LRIG1: variants seen among roughly 807,000 people sequenced by gnomAD.
The protein encoded by LRIG1 is leucine-rich repeats and immunoglobulin-like domains protein 1.
LRIG1 carries 48 observed loss-of-function variants against 99.2 expected under a neutral mutation model. The observed-to-expected ratio is 0.48, with a 90% confidence interval of 0.38 to 0.62. The LOEUF (loss-of-function observed/expected upper bound fraction) is 0.62, where lower values mean the gene tolerates loss of function less well. Among genes scored for constraint, LRIG1 ranks in the 20% least tolerant of loss-of-function variants. The pLI, the probability that LRIG1 is intolerant of heterozygous loss-of-function variation, is 0.00. For synonymous variants in LRIG1, 772 were observed against 596.1 expected, an observed-to-expected ratio of 1.29 and a Z score of -4.30; for missense variants, 1,646 against 1,434.4, an observed-to-expected ratio of 1.15 and a Z score of -2.38.
intron 3 of LRIG1, among the ~76,000 whole-genome samples, chr3:66,422,283 C>T (rs1244294635): frequency 6.6e-6 from 1 of 152,236 alleles, no homozygotes; most frequent in Non-Finnish European, 1.5e-5. Flanking sequence ...TTTTCTATTG[C>T]ATTGTCAGGC....
intron 11 of LRIG1, among the ~76,000 whole-genome samples, chr3:66,397,590 G>A (rs924267259): frequency 6.6e-6 from 1 of 152,134 alleles, no homozygotes; most frequent in African/African-American, 2.4e-5. Flanking sequence ...CACAGTGGCA[G>A]CACCACCACC....
intron 1 of LRIG1, among the ~76,000 whole-genome samples, chr3:66,470,079 A>G (rs1011332257): frequency 2.0e-5 from 3 of 152,212 alleles, no homozygotes; most frequent in Non-Finnish European, 4.4e-5. Flanking sequence ...GTAGAAACCT[A>G]AAGTTTTCAC....
chr3:66,500,358 C>A lies in LRIG1; in HGVS notation c.50G>T (p.Cys17Phe). 2 of 1,491,940 alleles carry A rather than the reference C, an allele frequency of 1.3e-6. No individual in the cohort carries two copies. Among genetic ancestry groups the A allele is most frequent in the East Asian group, 5.4e-5 (2 of 37,022 alleles). 92.4% of individuals were successfully genotyped at this position (1,491,940 alleles called of 1,614,324 possible). ...GGLGAPRRSP[C>F]LLLLWLLLLR... ...CAAAAGCAGCCAGAGAAGGAGAAGG[C>A]AAGGCGAGCGGCGCGGGGCCCCGAG... Residue 17 changes from cysteine to phenylalanine, a missense_variant, in exon 1 of 19, where the codon TGC becomes TTC. Cys to Phe is a radical substitution (Grantham distance 205). Transcript: ENST00000273261.
intron 5 of LRIG1, among the ~76,000 whole-genome samples, chr3:66,414,135 T>C (rs1806762): frequency 0.12 from 18,125 of 152,134 alleles, 2,304 homozygotes; most frequent in East Asian, 0.73. Flanking sequence ...CGGTGGCTCA[T>C]GCCTGTAATC....
intron 9 of LRIG1, among the ~76,000 whole-genome samples, chr3:66,403,347 T>A (rs13059803): frequency 0.2 from 30,942 of 152,164 alleles, 3,338 homozygotes; most frequent in Admixed American, 0.28. Flanking sequence ...TTCTTGTTTA[T>A]TTATTGTCCC....
At chr3:66,450,371 G>A (rs539376454) in intron 3 of LRIG1, among the ~76,000 whole-genome samples, 35 of 152,146 alleles carry the variant, frequency 2.3e-4, no homozygotes, top group African/African-American at 7.0e-4. Context: ...CCACTCCCCC[G>A]GGCCTCACTT....
intron 2 of LRIG1, among the ~76,000 whole-genome samples, chr3:66,452,906 G>A (rs1442317569): frequency 6.6e-6 from 1 of 152,158 alleles, no homozygotes; most frequent in Non-Finnish European, 1.5e-5. Flanking sequence ...AGGCAGATCC[G>A]TATCATGTGG....
chr3:66,402,760 C>G (rs1170372190), intron 9 of LRIG1, among the ~76,000 whole-genome samples: 2 of 152,182 alleles, frequency 1.3e-5, no homozygotes, highest in African/African-American at 4.8e-5. Context: ...TAACACGCAC[C>G]CCACTTCTCA....
At chr3:66,484,290 C>T (rs999651160) in intron 1 of LRIG1, among the ~76,000 whole-genome samples, 1 of 152,148 alleles carries the variant, frequency 6.6e-6, no homozygotes, top group African/African-American at 2.4e-5. Context: ...TGGTATCTGT[C>T]ACGAGCATTT....
rs1309913008 is a variant in LRIG1, at chr3:66,378,921, A to AAAGTAATACTCCCTCTTTCACATTG, written c.*1317_*1341dup. On this transcript the variant is annotated 3_prime_UTR_variant, in exon 19 of 19. Coordinates refer to ENST00000273261, the MANE Select transcript of LRIG1 (RefSeq NM_015541.3). ...CTATAAATAAATAACTTTGTACATA[A>AAAGTAATACTCCCTCTTTCACATTG]AAGTAATACTCCCTCTTTCACATTG... The AAAGTAATACTCCCTCTTTCACATTG allele has an allele frequency of 6.6e-6, 1 of 152,658 alleles. No homozygotes were observed. The highest frequency in any genetic ancestry group is 1.5e-5 in the Non-Finnish European group (1 of 68,044). The allele number at this position is 152,658 out of a possible 1,614,324, so 9.5% of individuals were successfully genotyped here.
chr3:66,424,279 C>T lies in LRIG1; in HGVS notation c.366-7013G>A, dbSNP rs559401456. Among the ~76,000 whole-genome samples, 23 of 152,148 alleles carry T rather than the reference C, an allele frequency of 1.5e-4. No homozygotes were observed. The South Asian group carries it at 4.8e-3, about 32-fold the overall frequency. On this transcript the variant is annotated intron_variant, in intron 3 of 18. Transcript: ENST00000273261. ...AGTGGAACTGAGGCCACGTCCCTGA[C>T]CCAAGCCCACCAAACCCCACCAACC...
intron 3 of LRIG1, among the ~76,000 whole-genome samples, chr3:66,419,750 A>T (rs1267602115): frequency 6.6e-6 from 1 of 151,822 alleles, no homozygotes; most frequent in African/African-American, 2.4e-5. Flanking sequence ...CCACCCTACC[A>T]GCTCCACCCT....
intron 1 of LRIG1, among the ~76,000 whole-genome samples, chr3:66,466,134 T>C (rs1048553925): frequency 6.6e-6 from 1 of 152,162 alleles, no homozygotes; most frequent in Non-Finnish European, 1.5e-5. Flanking sequence ...TGGGCTCAAG[T>C]GATCCTCCTG....
intron 3 of LRIG1, among the ~76,000 whole-genome samples, chr3:66,444,074 G>A (rs973848272): frequency 2.0e-5 from 3 of 152,210 alleles, no homozygotes; most frequent in African/African-American, 7.2e-5. Context: ...ACGAGTGACT[G>A]ATAATCAAAA....
chr3:66,479,946 T>G (rs987473055), intron 1 of LRIG1, among the ~76,000 whole-genome samples: 6 of 152,192 alleles, frequency 3.9e-5, no homozygotes, highest in Non-Finnish European at 8.8e-5. Context: ...ATTCCACTCC[T>G]CGGTATATGC....
At chr3:66,422,315 T>C (rs1575678463) in intron 3 of LRIG1, among the ~76,000 whole-genome samples, 2 of 152,254 alleles carry the variant, frequency 1.3e-5, no homozygotes, top group African/African-American at 2.4e-5. Flanking sequence ...CAAACTTTTA[T>C]GTTCTGTTTC....
At chr3:66,410,351 T>A (rs886266257) in intron 6 of LRIG1, 79 bp from the exon 7 acceptor site, 9 of 1,382,356 alleles carry the variant, frequency 6.5e-6, no homozygotes, top group Non-Finnish European at 9.0e-6. Flanking sequence ...GCAGCCACGC[T>A]GTACCTGACA....
At chr3:66,452,385 C>T (rs1703936097) in intron 2 of LRIG1, among the ~76,000 whole-genome samples, 1 of 152,200 alleles carries the variant, frequency 6.6e-6, no homozygotes, top group Non-Finnish European at 1.5e-5. Context: ...CTGGTCTGCC[C>T]CCAGAGGCTG....
intron 8 of LRIG1, among the ~76,000 whole-genome samples, chr3:66,406,822 A>G (rs968022832): frequency 6.6e-6 from 1 of 152,248 alleles, no homozygotes; most frequent in Non-Finnish European, 1.5e-5. Context: ...GGAGAGACAC[A>G]GGATTCCCTA....
Sources: gnomAD v4.1 joint callset for allele counts (sites outside exome capture counted in the v4.1 genomes callset) on GRCh38, gnomAD v4.1.1 for gene constraint, MANE v1.5 for transcripts, NCBI Gene and HGNC (gene_info 2026-07-23, HGNC 2026-07-21) for gene names.